The following SNX18 variants were observed in gnomAD, a reference collection of about 807,000 sequenced individuals.
SNX18 encodes sorting nexin 18.
A neutral mutation model predicts 48.7 loss-of-function variants in SNX18; 35 were observed. The ratio of observed to expected loss-of-function variants is 0.72; its 90% CI spans 0.55 to 0.95. The LOEUF is 0.95. Ranked by LOEUF, SNX18 falls within the 40% of genes least tolerant of loss-of-function variation. SNX18 has a pLI of 0.00. For synonymous variants in SNX18, 492 were observed against 384.7 expected, an observed-to-expected ratio of 1.28 and a Z score of -3.26; for missense variants, 824 against 871.0, an observed-to-expected ratio of 0.95 and a Z score of 0.68.
the SNX18 span, among the ~76,000 whole-genome samples, chr5:54,631,528 C>T: frequency 6.6e-6 from 1 of 152,136 alleles, no homozygotes. Flanking sequence ...TCCTCTATAC[C>T]AAGCTGTTAT....
the SNX18 span, among the ~76,000 whole-genome samples, chr5:54,584,621 A>G: frequency 6.6e-6 from 1 of 152,238 alleles, no homozygotes; most frequent in African/African-American, 2.4e-5. Context: ...AATACAAAAA[A>G]ATATGAACAA....
At chr5:54,625,397 C>T in the SNX18 span, among the ~76,000 whole-genome samples, 7 of 152,298 alleles carry the variant, frequency 4.6e-5, no homozygotes, top group East Asian at 5.8e-4. Flanking sequence ...CTTCTAAGCT[C>T]GCTCGTATGG....
the SNX18 span, among the ~76,000 whole-genome samples, chr5:54,568,610 C>T: frequency 0.81 from 123,757 of 152,102 alleles, 50,511 homozygotes; most frequent in Middle Eastern, 0.84. Context: ...AGAAAGTGCC[C>T]GAACCTCCTT....
At chr5:54,566,220 A>G in the SNX18 span, among the ~76,000 whole-genome samples, 1 of 152,240 alleles carries the variant, frequency 6.6e-6, no homozygotes, top group Admixed American at 6.5e-5. Context: ...TTAAGAGCAC[A>G]GACTTTGATG....
the SNX18 span, among the ~76,000 whole-genome samples, chr5:54,623,449 A>T: frequency 7.1e-4 from 108 of 152,152 alleles, 2 homozygotes; most frequent in Non-Finnish European, 1.6e-4. Flanking sequence ...CTGCCTGAGC[A>T]CAGGCCACAG....
rs1482601559 is a variant in SNX18, at chr5:54,546,336, C to G, written c.*2904C>G. On this transcript the variant is annotated 3_prime_UTR_variant, in exon 2 of 2. Transcript: ENST00000381410. ...TTAAATGTCATTCTTAAGTTCATTG[C>G]CATAGCCATTTTCCATTTATGTCTT... is the stretch of plus-strand genomic sequence containing the variant. The G allele has an allele frequency of 2.0e-5, 3 of 152,136 alleles. No homozygotes were observed. Among genetic ancestry groups the G allele is most frequent in the Non-Finnish European group, 4.4e-5 (3 of 68,030 alleles). 9.4% of individuals were successfully genotyped at this position (152,136 alleles called of 1,614,324 possible).
At chr5:54,577,314 A>G in the SNX18 span, among the ~76,000 whole-genome samples, 2 of 151,856 alleles carry the variant, frequency 1.3e-5, no homozygotes, top group African/African-American at 2.4e-5. Flanking sequence ...TAGATGTTTC[A>G]TAAATACATA....
At chr5:54,593,714 T>C in the SNX18 span, among the ~76,000 whole-genome samples, 3 of 152,336 alleles carry the variant, frequency 2.0e-5, no homozygotes, top group East Asian at 3.9e-4. Flanking sequence ...CTGAAAAAAC[T>C]ATTCTTAACC....
chr5:54,532,806 AG>A (rs1191637376), intron 1 of SNX18, among the ~76,000 whole-genome samples: 1 of 152,210 alleles, frequency 6.6e-6, no homozygotes, highest in Admixed American at 6.5e-5. Flanking sequence ...AAACCACAAG[AG>A]GTACAATCAT....
At chr5:54,603,250 A>T in the SNX18 span, among the ~76,000 whole-genome samples, 1,998 of 71,034 alleles carry the variant, frequency 0.028, 53 homozygotes, top group Admixed American at 0.13. Flanking sequence ...ATATATATAT[A>T]TTTTTTTAGA....
chr5:54,530,727 G>A (rs1003125174), intron 1 of SNX18, among the ~76,000 whole-genome samples: 5 of 142,270 alleles, frequency 3.5e-5, no homozygotes. Flanking sequence ...TTTGCAGACA[G>A]GAGCTGAACC....
the SNX18 span, among the ~76,000 whole-genome samples, chr5:54,620,129 C>G: frequency 6.6e-6 from 1 of 152,036 alleles, no homozygotes; most frequent in Non-Finnish European, 1.5e-5. Flanking sequence ...TTATAAAGAG[C>G]TCTGTCAGTT....
At chr5:54,520,812 G>C (rs1035536091) in intron 1 of SNX18, 2 of 167,124 alleles carry the variant, frequency 1.2e-5, no homozygotes, top group South Asian at 4.1e-4. Flanking sequence ...GAAGGGGCTT[G>C]CTGGGAGAAT....
In SNX18 at chr5:54,519,197, C is replaced by G; in HGVS notation, c.1245C>G (p.Pro415=). ...ANFFLTLSTP[P]AAALDLQEVE... is the part of the protein sequence containing the mutation. ...TCTTCCTGACCCTTAGCACGCCCCC[C>G]GCCGCTGCCCTTGACCTGCAGGAGG... The change falls in exon 1 of 2, where the codon CCC becomes CCG. Residue 415 remains proline, a synonymous_variant. Coordinates refer to ENST00000381410, the MANE Select transcript of SNX18 (RefSeq NM_001102575.2). 3 of 1,613,928 alleles carry G rather than the reference C, an allele frequency of 1.9e-6. No homozygotes were observed. The highest frequency in any genetic ancestry group is 2.5e-6 in the Non-Finnish European group (3 of 1,179,920).
At chr5:54,634,323 G>A in the SNX18 span, among the ~76,000 whole-genome samples, 1 of 152,086 alleles carries the variant, frequency 6.6e-6, no homozygotes, top group East Asian at 1.9e-4. Context: ...ACTTCTGAGG[G>A]ACCATGACAC....
the SNX18 span, among the ~76,000 whole-genome samples, chr5:54,620,585 C>G: frequency 6.6e-6 from 1 of 152,218 alleles, no homozygotes; most frequent in Non-Finnish European, 1.5e-5. Context: ...CAGAAAATAT[C>G]TGACATAAGA....
At chr5:54,629,632 G>A in the SNX18 span, among the ~76,000 whole-genome samples, 1 of 152,184 alleles carries the variant, frequency 6.6e-6, no homozygotes, top group Non-Finnish European at 1.5e-5. Context: ...ACCTTGGTGA[G>A]TCTCCTTCCT....
the SNX18 span, among the ~76,000 whole-genome samples, chr5:54,560,099 C>T: frequency 6.6e-6 from 1 of 152,114 alleles, no homozygotes; most frequent in Non-Finnish European, 1.5e-5. Flanking sequence ...ACAGAAATAC[C>T]ATTTGACCCA....
the SNX18 span, among the ~76,000 whole-genome samples, chr5:54,616,464 T>G: frequency 1.3e-5 from 2 of 152,162 alleles, no homozygotes; most frequent in African/African-American, 4.8e-5. Flanking sequence ...TTCAAAAGTA[T>G]TAAAAGATTA....
Sources: allele counts gnomAD v4.1 joint callset (sites outside exome capture counted in the v4.1 genomes callset), GRCh38; gene constraint gnomAD v4.1.1; transcripts MANE v1.5; gene names NCBI Gene and HGNC (gene_info 2026-07-23, HGNC 2026-07-21).